FBXL18: variants seen among roughly 807,000 people sequenced by gnomAD.
FBXL18 encodes F-box and leucine rich repeat protein 18.
FBXL18 carries 36 observed loss-of-function variants against 46.0 expected under a neutral mutation model. That is an observed-to-expected ratio of 0.78 (90% confidence interval 0.60 to 1.03). The LOEUF is 1.03. Ranked by LOEUF, FBXL18 falls within the 50% of genes least tolerant of loss-of-function variation. FBXL18 has a pLI of 0.00. For synonymous variants in FBXL18, 557 were observed against 465.3 expected, an observed-to-expected ratio of 1.20 and a Z score of -2.54; for missense variants, 977 against 1,004.1, an observed-to-expected ratio of 0.97 and a Z score of 0.36.
chr7:5,499,780 G>A (rs931790484), intron 3 of FBXL18, among the ~76,000 whole-genome samples: 2 of 151,278 alleles, frequency 1.3e-5, no homozygotes, highest in Admixed American at 6.6e-5. Context: ...GAGGCCAAGG[G>A]TGGTGGCTCA....
At chr7:5,483,132 C>A (rs570944782) in intron 4 of FBXL18, among the ~76,000 whole-genome samples, 2 of 152,042 alleles carry the variant, frequency 1.3e-5, no homozygotes, top group African/African-American at 4.8e-5. Context: ...CATAGCAGTG[C>A]CCCAGAGAGG....
intron 1 of FBXL18, among the ~76,000 whole-genome samples, chr7:5,511,478 C>A (rs182509894): frequency 2.0e-5 from 3 of 151,978 alleles, no homozygotes; most frequent in African/African-American, 7.2e-5. Context: ...TAGTGGCACG[C>A]GCCTGTAATC....
intron 4 of FBXL18, among the ~76,000 whole-genome samples, chr7:5,461,242 CTG>C (rs1783239304): frequency 6.6e-6 from 1 of 152,186 alleles, no homozygotes; most frequent in African/African-American, 2.4e-5. Flanking sequence ...GTGCTGGGCA[CTG>C]CACTGGGCAC....
rs1439333055 is a variant in FBXL18 at position 5,481,449 on chromosome 7, G to A, written c.*326C>T. 2.9e-5 allele frequency: 7 copies of A among 239,256 alleles called. No homozygotes were observed. The highest frequency in any genetic ancestry group is 5.8e-5 in the Non-Finnish European group (7 of 119,892). The allele number at this position is 239,256 out of a possible 1,614,324, so 14.8% of individuals were successfully genotyped here. A position where few individuals can be genotyped will look rare whatever the true frequency, so the allele number is the denominator to read the frequency against. On this transcript the variant is annotated 3_prime_UTR_variant, in exon 5 of 5. Coordinates refer to ENST00000382368, the MANE Select transcript of FBXL18 (RefSeq NM_024963.6). ...CAGGGGGTTCGGGCCCTCCAGGCCC[G>A]TGGACAGGGCCCCCAGGGATTGCGG... is the stretch of plus-strand genomic sequence containing the variant.
At chr7:5,467,756 G>A (rs984137915) in intron 4 of FBXL18, among the ~76,000 whole-genome samples, 2 of 152,092 alleles carry the variant, frequency 1.3e-5, no homozygotes, top group African/African-American at 4.8e-5. Context: ...ACTAAGGAGA[G>A]TCTCTTCTAA....
chr7:5,507,249 A>T (rs937837568), intron 1 of FBXL18, among the ~76,000 whole-genome samples: 1 of 152,098 alleles, frequency 6.6e-6, no homozygotes, highest in African/African-American at 2.4e-5. Context: ...ATGGAGGAAG[A>T]GCCTATCTGC....
intron 3 of FBXL18, among the ~76,000 whole-genome samples, chr7:5,495,504 G>A (rs1784053586): frequency 6.6e-6 from 1 of 152,208 alleles, no homozygotes. Flanking sequence ...ACTGAGGTGT[G>A]TCCAAGTCCC....
At chr7:5,459,502 C>A (rs13223717) in intron 4 of FBXL18, among the ~76,000 whole-genome samples, 138,840 of 152,214 alleles carry the variant, frequency 0.91, 63,353 homozygotes, top group East Asian at 0.95. Context: ...GCACACTGGG[C>A]GGCCGAGGCA....
chr7:5,509,701 C>CAAAAAAAAAAAA lies in FBXL18; in HGVS notation c.18+3944_18+3955dup, dbSNP rs761762119. ...TGGGTGACAGAGTGAGATTCCATCT[C>CAAAAAAAAAAAA]AAAAAAAAAAAAAAAAAAGAGAAGT... On this transcript the variant is annotated intron_variant, in intron 1 of 4. Transcript: ENST00000382368. 2.9e-3 allele frequency among the ~76,000 whole-genome samples: 189 copies of CAAAAAAAAAAAA among 65,416 alleles called. 2 individuals are homozygous for CAAAAAAAAAAAA. The highest frequency in any genetic ancestry group is 5.7e-3 in the African/African-American group (110 of 19,304). 42.9% of individuals were successfully genotyped at this position (65,416 alleles called of 152,430 possible).
chr7:5,469,023 G>C (rs535668517), intron 4 of FBXL18, among the ~76,000 whole-genome samples: 1 of 152,042 alleles, frequency 6.6e-6, no homozygotes, highest in East Asian at 1.9e-4. Context: ...CGGGTGTGAT[G>C]AGACATAGGA....
At chr7:5,486,058 CAAAAAAAT>C (rs1463003745) in intron 4 of FBXL18, among the ~76,000 whole-genome samples, 1 of 105,804 alleles carries the variant, frequency 9.5e-6, no homozygotes, top group Non-Finnish European at 1.7e-5. Flanking sequence ...GACTCTGTCT[CAAAAAAAT>C]AAATAAATAA....
intron 4 of FBXL18, among the ~76,000 whole-genome samples, chr7:5,459,818 C>A (rs1783219299): frequency 6.6e-6 from 1 of 151,828 alleles, no homozygotes; most frequent in African/African-American, 2.4e-5. Flanking sequence ...GAGGATGAGG[C>A]AGGAGAATCA....
chr7:5,513,723 T>A lies in FBXL18; in HGVS notation c.-49A>T. The A allele has an allele frequency of 6.3e-7, 1 of 1,585,616 alleles. No homozygotes were observed. The highest frequency in any genetic ancestry group is 8.6e-7 in the Non-Finnish European group (1 of 1,166,654). On this transcript the variant is annotated 5_prime_UTR_variant, in exon 1 of 5. Coordinates refer to ENST00000382368, the MANE Select transcript of FBXL18 (RefSeq NM_024963.6). ...GCCGCGGGATCCGCAACCCCGTGCC[T>A]CCCACCTGCCCGGCTAGGGATGCTC...
chr7:5,508,148 C>T (rs1246465241), intron 1 of FBXL18, among the ~76,000 whole-genome samples: 1 of 152,020 alleles, frequency 6.6e-6, no homozygotes, highest in African/African-American at 2.4e-5. Flanking sequence ...TGCCTATAGT[C>T]CCAGCTACTC....
intron 4 of FBXL18, among the ~76,000 whole-genome samples, chr7:5,465,194 G>C (rs1459291002): frequency 1.3e-5 from 2 of 152,108 alleles, no homozygotes; most frequent in Non-Finnish European, 2.9e-5. Flanking sequence ...ATCTATGATA[G>C]GTACGATTTT....
At chr7:5,464,425 A>C (rs1783311710) in intron 4 of FBXL18, among the ~76,000 whole-genome samples, 1 of 152,024 alleles carries the variant, frequency 6.6e-6, no homozygotes, top group Non-Finnish European at 1.5e-5. Flanking sequence ...GGTTGCAGTG[A>C]GCCGAGATCA....
intron 4 of FBXL18, among the ~76,000 whole-genome samples, chr7:5,462,051 C>A (rs539412649): frequency 3.0e-4 from 45 of 152,172 alleles, no homozygotes; most frequent in Middle Eastern, 6.8e-3. Flanking sequence ...ACTAGCCTGG[C>A]CAACACAGTG....
Position 5,501,019 on chromosome 7 carries a change from G to A in FBXL18, c.1250C>T (p.Ser417Phe), listed in dbSNP as rs1183951201. Residue 417 changes from serine (S) to phenylalanine (F), a missense_variant, in exon 3 of 5, where the codon TCC becomes TTC. By Grantham distance (155) the Ser-to-Phe change is radical. Coordinates refer to ENST00000382368, the MANE Select transcript of FBXL18 (RefSeq NM_024963.6). The part of the protein sequence containing the change: ...QLLARLRHLR[S>F]LSLPVCSVAD... ...GACAGAGCAGACAGGCAGGGAGAGG[G>A]AGCGCAGGTGACGCAGCCGGGCCAG... is the stretch of plus-strand genomic sequence containing the variant. 1 of 1,600,238 alleles carries A rather than the reference G, an allele frequency of 6.2e-7. No individual in the cohort carries two copies. The highest frequency in any genetic ancestry group is 1.3e-5 in the African/African-American group (1 of 74,786).
In FBXL18 at chr7:5,505,534, T is replaced by C. The variant is rs1314004670; in HGVS notation, c.115A>G (p.Ile39Val). The C allele has an allele frequency of 6.2e-7, 1 of 1,614,128 alleles. No homozygotes were observed. The highest frequency in any genetic ancestry group is 2.2e-5 in the East Asian group (1 of 44,880). The change falls in exon 2 of 5, where the codon ATC becomes GTC. Residue 39 changes from isoleucine (I) to valine (V), a missense_variant. Ile to Val is a conservative substitution (Grantham distance 29, BLOSUM62 3). Coordinates refer to ENST00000382368, the MANE Select transcript of FBXL18 (RefSeq NM_024963.6). ...TCTGTGCTGGGGACGTGACTCAGGATGTGAAGGAGGATCTCATCAGAGAAC... is the reference window on the plus strand; with the variant it reads ...TCTGTGCTGGGGACGTGACTCAGGACGTGAAGGAGGATCTCATCAGAGAAC... Reference protein sequence around the residue: ...LGFSDEILLHILSHVPSTDLI... With the variant: ...LGFSDEILLHVLSHVPSTDLI...
Sources: allele counts gnomAD v4.1 joint callset (sites outside exome capture counted in the v4.1 genomes callset), GRCh38; gene constraint gnomAD v4.1.1; transcripts MANE v1.5; gene names NCBI Gene and HGNC (gene_info 2026-07-23, HGNC 2026-07-21).